The following YY2 variants were observed in gnomAD, a reference collection of about 807,000 sequenced individuals.
YY2 encodes transcription factor YY2.
For missense variants in YY2, 254 were observed against 305.3 expected (o/e 0.83, Z 1.25); for synonymous variants, 157 against 131.2 (o/e 1.20, Z -1.35).
At position 21,857,581 on chromosome X, in the gene YY2, T is replaced by C; in HGVS notation, c.1097T>C (p.Val366Ala). 2 of 1,206,470 alleles carry C rather than the reference T, an allele frequency of 1.7e-6. No homozygotes were observed. The highest frequency in any genetic ancestry group is 2.2e-6 in the Non-Finnish European group (2 of 892,328). Residue 366 changes from valine to alanine, a missense_variant, in exon 1 of 1, where the codon GTG (valine) becomes GCG (alanine). Val to Ala is a moderately conservative substitution (Grantham distance 64). Coordinates refer to ENST00000429584, the MANE Select transcript of YY2 (RefSeq NM_206923.4). ...CTGAAAACCCACATATTAACGCATG[T>C]GAAGACCAAAAACAACCCGTGAAAA... ...TNLKTHILTHVKTKNNP is the reference protein window; with the variant it reads ...TNLKTHILTHAKTKNNP
Position 21,856,338 on chromosome X carries a change from GCGCC to G in YY2, c.-146_-143del, listed in dbSNP as rs2092921904. On this transcript the variant is annotated 5_prime_UTR_variant, in exon 1 of 1. It introduces an in-frame stop codon into an upstream open reading frame of the 5' UTR. Coordinates refer to ENST00000429584, the MANE Select transcript of YY2 (RefSeq NM_206923.4). ...CAGCTCGCGCCTTTCTCTGCAGCTCGCGCCTTTCTCTGCAGCTCGCGCCTTTCTC... is the reference window on the plus strand; with the variant it reads ...CAGCTCGCGCCTTTCTCTGCAGCTCGTTTCTCTGCAGCTCGCGCCTTTCTC... 5.9e-6 allele frequency: 3 copies of G among 512,790 alleles called. No homozygotes were observed. The African/African-American group carries it at 7.3e-5, about 12-fold the overall frequency. 42.3% of individuals were successfully genotyped at this position (512,790 alleles called of 1,213,427 possible).
chrX:21,857,064 A>C lies in YY2; in HGVS notation c.580A>C (p.Asn194His). 3.3e-6 allele frequency: 4 copies of C among 1,211,734 alleles called. No individual in the cohort carries two copies. The highest frequency in any genetic ancestry group is 4.5e-6 in the Non-Finnish European group (4 of 895,511). ...GACTATGTGGTCCCCTAACGATAAC[A>C]ATGACCAAGGGGCAGTGGGTGAAGG... ...SVTMWSPNDN[N>H]DQGAVGEGQA... The change falls in exon 1 of 1, where the codon AAT becomes CAT. Residue 194 changes from asparagine (N) to histidine (H), a missense_variant. Transcript: ENST00000429584.
chrX:21,856,547 G>C lies in YY2; in HGVS notation c.63G>C (p.Glu21Asp). Residue 21 changes from glutamate (E) to aspartate (D), a missense_variant, in exon 1 of 1, where the codon GAG becomes GAC. Coordinates refer to ENST00000429584, the MANE Select transcript of YY2 (RefSeq NM_206923.4). ...QDLEIPADIV[E>D]LHDINVEPLP... is the part of the protein sequence containing the mutation. ...TGGAGATCCCGGCAGATATTGTGGA[G>C]CTCCACGACATCAATGTGGAGCCCC... 5 of 1,211,583 alleles carry C rather than the reference G, an allele frequency of 4.1e-6. No individual in the cohort carries two copies. Among genetic ancestry groups the C allele is most frequent in the Non-Finnish European group, 4.5e-6 (4 of 895,416 alleles).
chrX:21,857,060 T>C lies in YY2; in HGVS notation c.576T>C (p.Asp192=). The change falls in exon 1 of 1, where the codon GAT becomes GAC. Residue 192 remains aspartate (D), a synonymous_variant. Coordinates refer to ENST00000429584, the MANE Select transcript of YY2 (RefSeq NM_206923.4). ...EFSVTMWSPN[D]NNDQGAVGEG... ...CCGTGACTATGTGGTCCCCTAACGA[T>C]AACAATGACCAAGGGGCAGTGGGTG... The C allele has an allele frequency of 8.3e-7, 1 of 1,211,652 alleles. No homozygotes were observed. Among genetic ancestry groups the C allele is most frequent in the Non-Finnish European group, 1.1e-6 (1 of 895,496 alleles).
At position 21,856,074 on chromosome X, in the gene YY2, T is replaced by G; in HGVS notation, c.-411T>G. The G allele has an allele frequency of 6.8e-6, 1 of 146,394 alleles. No individual in the cohort carries two copies. Among genetic ancestry groups the G allele is most frequent in the East Asian group, 1.8e-4 (1 of 5,643 alleles). 12.1% of individuals were successfully genotyped at this position (146,394 alleles called of 1,213,427 possible). ...TGGACAGGAGGGGAAGACATGAAAATCAACTAAAATGAAATACATAAAAAA... is the reference window on the plus strand; with the variant it reads ...TGGACAGGAGGGGAAGACATGAAAAGCAACTAAAATGAAATACATAAAAAA... On this transcript the variant is annotated 5_prime_UTR_variant, in exon 1 of 1. Transcript: ENST00000429584.
In YY2 at chrX:21,857,235, C is replaced by G; in HGVS notation, c.751C>G (p.Pro251Ala). The change falls in exon 1 of 1, where the codon CCC becomes GCC. Residue 251 changes from proline (P) to alanine (A), a missense_variant. Coordinates refer to ENST00000429584, the MANE Select transcript of YY2 (RefSeq NM_206923.4). Reference sequence around the variant, plus strand: ...GCCCAAAAGGTCCAAAGGAGAACCTCCCAAAACAGTCCCTTGCTCTTATAG... The same window carrying G: ...GCCCAAAAGGTCCAAAGGAGAACCTGCCAAAACAGTCCCTTGCTCTTATAG... ...VKPKRSKGEP[P>A]KTVPCSYSGC... 3 of 1,211,970 alleles carry G rather than the reference C, an allele frequency of 2.5e-6. No individual in the cohort carries two copies. Among genetic ancestry groups the G allele is most frequent in the Non-Finnish European group, 3.3e-6 (3 of 895,591 alleles).
chrX:21,857,703 TA>T lies in YY2; in HGVS notation c.*109del, dbSNP rs11339991. The T allele has an allele frequency of 0.4, 357,215 of 884,007 alleles. 54,876 individuals are homozygous for T. The highest frequency in any genetic ancestry group is 0.62 in the East Asian group (19,416 of 31,224). The allele number at this position is 884,007 out of a possible 1,213,427, so 72.9% of individuals were successfully genotyped here. On this transcript the variant is annotated 3_prime_UTR_variant, in exon 1 of 1. Transcript: ENST00000429584. ...CTTTGTATGTTGTTTCTAAGAGTTT[TA>T]AAAAAAAATGAATCCTGCACATTTA... is the stretch of plus-strand genomic sequence containing the variant.
In YY2 at chrX:21,857,491, C is replaced by T. The variant is rs371944531; in HGVS notation, c.1007C>T (p.Thr336Ile). ...TTGCGCACACACTTGCGCATCCACA[C>T]CGGCGATAAGCCCTTCGTGTGCCCC... is the stretch of plus-strand genomic sequence containing the variant. ...FNLRTHLRIHTGDKPFVCPFD... is the reference protein window; with the variant it reads ...FNLRTHLRIHIGDKPFVCPFD... The change falls in exon 1 of 1, where the codon ACC becomes ATC. Residue 336 changes from threonine to isoleucine, a missense_variant. Transcript: ENST00000429584. The T allele has an allele frequency of 5.8e-6, 7 of 1,212,113 alleles. No homozygotes were observed. The highest frequency in any genetic ancestry group is 7.8e-6 in the Non-Finnish European group (7 of 895,605).
rs772601524 is a variant in YY2, at chrX:21,856,828, A to C, written c.344A>C (p.His115Pro). 8.3e-7 allele frequency: 1 copy of C among 1,211,731 alleles called. No homozygotes were observed. The highest frequency in any genetic ancestry group is 1.8e-5 in the South Asian group (1 of 56,975). ...LALPDSIEDE[H>P]FQMTLASLSA... ...CTCCCGGATAGCATTGAAGACGAGC[A>C]CTTCCAGATGACCCTGGCCTCTCTG... Residue 115 changes from histidine (H) to proline (P), a missense_variant, in exon 1 of 1, where the codon CAC becomes CCC. Coordinates refer to ENST00000429584, the MANE Select transcript of YY2 (RefSeq NM_206923.4).
chrX:21,857,656 G>A lies in YY2; in HGVS notation c.*53G>A. 2 of 1,108,667 alleles carry A rather than the reference G, an allele frequency of 1.8e-6. No homozygotes were observed. Among genetic ancestry groups the A allele is most frequent in the Non-Finnish European group, 1.2e-6 (1 of 829,875 alleles). The allele number at this position is 1,108,667 out of a possible 1,213,427, so 91.4% of individuals were successfully genotyped here. On this transcript the variant is annotated 3_prime_UTR_variant, in exon 1 of 1. Transcript: ENST00000429584. ...GAATTATCTTCCAGGACTGCGGTAGGGAATAAATATGCCTCTCAAAGCTTT... is the reference window on the plus strand; with the variant it reads ...GAATTATCTTCCAGGACTGCGGTAGAGAATAAATATGCCTCTCAAAGCTTT...
Position 21,856,655 on chromosome X carries a change from G to T in YY2, c.171G>T (p.Pro57=), listed in dbSNP as rs772576056. Residue 57 remains proline, a synonymous_variant, in exon 1 of 1, where the codon CCG becomes CCT. Transcript: ENST00000429584. The part of the protein sequence containing the change: ...GNWIYGGHNH[P]PLMVLQPLFT... Reference sequence around the variant, plus strand: ...GGATCTACGGTGGCCACAACCATCCGCCATTGATGGTGTTGCAGCCGCTCT... The same window carrying T: ...GGATCTACGGTGGCCACAACCATCCTCCATTGATGGTGTTGCAGCCGCTCT... The T allele has an allele frequency of 5.8e-6, 7 of 1,209,896 alleles. No individual in the cohort carries two copies. In the Admixed American group the frequency reaches 6.6e-5, roughly 11 times the overall value.
chrX:21,856,602 G>A lies in YY2; in HGVS notation c.118G>A (p.Val40Ile), dbSNP rs147890732. The change falls in exon 1 of 1, where the codon GTC (valine) becomes ATC (isoleucine). Residue 40 changes from valine to isoleucine, a missense_variant. Val to Ile is a conservative substitution (Grantham distance 29, BLOSUM62 3). Transcript: ENST00000429584. ...LPMEDIPTES[V>I]QYEDVDGNWI... ...TATGGAGGACATTCCGACGGAAAGCGTCCAGTACGAGGATGTGGATGGCAA... is the reference window on the plus strand; with the variant it reads ...TATGGAGGACATTCCGACGGAAAGCATCCAGTACGAGGATGTGGATGGCAA... 5.7e-5 allele frequency: 69 copies of A among 1,210,347 alleles called. No individual in the cohort carries two copies. The African/African-American group carries it at 1.0e-3, about 18-fold the overall frequency.
In YY2 at chrX:21,856,600, G is replaced by C. The variant is rs766108728; in HGVS notation, c.116G>C (p.Ser39Thr). The C allele has an allele frequency of 7.4e-6, 9 of 1,212,116 alleles. No homozygotes were observed. Among genetic ancestry groups the C allele is most frequent in the Non-Finnish European group, 8.9e-6 (8 of 895,641 alleles). Residue 39 changes from serine to threonine, a missense_variant, in exon 1 of 1, where the codon AGC becomes ACC. By Grantham distance (58) the Ser-to-Thr change is moderately conservative. Coordinates refer to ENST00000429584, the MANE Select transcript of YY2 (RefSeq NM_206923.4). ...PLPMEDIPTE[S>T]VQYEDVDGNW... ...CCTATGGAGGACATTCCGACGGAAA[G>C]CGTCCAGTACGAGGATGTGGATGGC... is the stretch of plus-strand genomic sequence containing the variant.
rs1362360879 is a variant in YY2, at chrX:21,858,101, A to G, written c.*498A>G. 8.0e-6 allele frequency: 1 copy of G among 124,844 alleles called. No individual in the cohort carries two copies. Among genetic ancestry groups the G allele is most frequent in the African/African-American group, 3.2e-5 (1 of 31,152 alleles). The allele number at this position is 124,844 out of a possible 1,213,427, so 10.3% of individuals were successfully genotyped here. On this transcript the variant is annotated 3_prime_UTR_variant, in exon 1 of 1. Coordinates refer to ENST00000429584, the MANE Select transcript of YY2 (RefSeq NM_206923.4). ...ATTTACTTTAAAAGAGTGAACAATTATATGCATACGTGAAGTATTTTCCTG... is the reference window on the plus strand; with the variant it reads ...ATTTACTTTAAAAGAGTGAACAATTGTATGCATACGTGAAGTATTTTCCTG...
chrX:21,857,257 A>T lies in YY2; in HGVS notation c.773A>T (p.Tyr258Phe). Residue 258 changes from tyrosine (Y) to phenylalanine (F), a missense_variant, in exon 1 of 1, where the codon TAT (tyrosine) becomes TTT (phenylalanine). Transcript: ENST00000429584. ...CCTCCCAAAACAGTCCCTTGCTCTT[A>T]TAGCGGCTGCGAAAAGATGTTCCGG... is the stretch of plus-strand genomic sequence containing the variant. ...GEPPKTVPCS[Y>F]SGCEKMFRDY... The T allele has an allele frequency of 1.7e-6, 2 of 1,211,841 alleles. No individual in the cohort carries two copies. Among genetic ancestry groups the T allele is most frequent in the Non-Finnish European group, 2.2e-6 (2 of 895,524 alleles).
At position 21,856,277 on chromosome X, in the gene YY2, TCTC is replaced by T. The variant is rs2092921365; in HGVS notation, c.-207_-205del. On this transcript the variant is annotated 5_prime_UTR_variant, in exon 1 of 1. Transcript: ENST00000429584. ...GCCTTCCGGCTCGTGCTTTCCTCAG[TCTC>T]GCGCCTTTCTCTGCAGCTCGCGCCT... The T allele has an allele frequency of 2.6e-6, 1 of 384,231 alleles. No homozygotes were observed. Among genetic ancestry groups the T allele is most frequent in the Non-Finnish European group, 4.3e-6 (1 of 230,294 alleles). 31.7% of individuals were successfully genotyped at this position (384,231 alleles called of 1,213,427 possible).
Position 21,857,530 on chromosome X carries a change from A to G in YY2, c.1046A>G (p.Asn349Ser), listed in dbSNP as rs149941101. 1.3e-4 allele frequency: 153 copies of G among 1,210,487 alleles called. No homozygotes were observed. Among genetic ancestry groups the G allele is most frequent in the African/African-American group, 5.4e-4 (31 of 57,286 alleles). Residue 349 changes from asparagine to serine, a missense_variant, in exon 1 of 1, where the codon AAC becomes AGC. Transcript: ENST00000429584. ...KPFVCPFDVCNRKFAQSTNLK... is the reference protein window; with the variant it reads ...KPFVCPFDVCSRKFAQSTNLK... ...TTCGTGTGCCCCTTCGATGTTTGCA[A>G]CAGGAAGTTCGCTCAGTCAACCAAC...
At position 21,857,703 on chromosome X, in the gene YY2, T is replaced by A. The variant is rs1165256494; in HGVS notation, c.*100T>A. On this transcript the variant is annotated 3_prime_UTR_variant, in exon 1 of 1. Coordinates refer to ENST00000429584, the MANE Select transcript of YY2 (RefSeq NM_206923.4). ...CTTTGTATGTTGTTTCTAAGAGTTTTAAAAAAAAATGAATCCTGCACATTT... is the reference window on the plus strand; with the variant it reads ...CTTTGTATGTTGTTTCTAAGAGTTTAAAAAAAAAATGAATCCTGCACATTT... 4.1e-5 allele frequency: 36 copies of A among 886,159 alleles called. No individual in the cohort carries two copies. The highest frequency in any genetic ancestry group is 1.9e-4 in the East Asian group (6 of 31,275). 73.0% of individuals were successfully genotyped at this position (886,159 alleles called of 1,213,427 possible).
chrX:21,856,753 A>G lies in YY2; in HGVS notation c.269A>G (p.Tyr90Cys), dbSNP rs765855533. The stretch of plus-strand genomic sequence containing the variant: ...CAGACACAAGAGGAAGTGGTGGGCT[A>G]TTGCGACTCAGACAACCAGCTAGGC... ...MLQTQEEVVG[Y>C]CDSDNQLGND... Residue 90 changes from tyrosine to cysteine, a missense_variant, in exon 1 of 1, where the codon TAT becomes TGT. Physicochemically the swap from Tyr to Cys is radical, Grantham distance 194 (BLOSUM62 -2). Coordinates refer to ENST00000429584, the MANE Select transcript of YY2 (RefSeq NM_206923.4). 3.3e-5 allele frequency: 40 copies of G among 1,210,017 alleles called. No homozygotes were observed. Among genetic ancestry groups the G allele is most frequent in the Non-Finnish European group, 3.8e-5 (34 of 895,300 alleles).
Sources: allele counts gnomAD v4.1 joint callset, GRCh38; gene constraint gnomAD v4.1.1; transcripts MANE v1.5; gene names NCBI Gene and HGNC (gene_info 2026-07-23, HGNC 2026-07-21).